Variants in LATS2 observed in about 807,000 individuals in gnomAD.
The protein encoded by LATS2 is large tumor suppressor kinase 2.
In LATS2, 24 loss-of-function variants were observed where a neutral mutation model predicts 76.0. That is an observed-to-expected ratio of 0.32 (90% CI 0.23 to 0.44). The LOEUF is 0.44. LATS2 is among the 20% of genes least tolerant of loss of function. The probability of loss-of-function intolerance (pLI) is 1.00; values close to 1 mark genes in which losing one functional copy is unlikely to be tolerated. For synonymous variants in LATS2, 692 were observed against 635.4 expected (o/e 1.09, Z -1.34); for missense variants, 1,286 against 1,481.2 (o/e 0.87, Z 2.16).
rs758078480 is a variant in LATS2 at position 21,045,675 on chromosome 13, C to T, written c.342+10G>A. On this transcript the variant is annotated intron_variant, in intron 2 of 7. Coordinates refer to ENST00000382592, the MANE Select transcript of LATS2 (RefSeq NM_014572.3). ...CCTCTGCACATGGCCCTGCAGAGGT[C>T]TGTACCCACCTGGTCGCATCCTGCG... 6.2e-7 allele frequency: 1 copy of T among 1,607,940 alleles called. No homozygotes were observed. The highest frequency in any genetic ancestry group is 1.1e-5 in the South Asian group (1 of 90,012).
rs766718464 is a variant in LATS2, at chr13:21,046,038, T to C, written c.-12A>G. The C allele has an allele frequency of 1.0e-5, 16 of 1,584,198 alleles. No homozygotes were observed. Among genetic ancestry groups the C allele is most frequent in the South Asian group, 5.6e-5 (5 of 89,948 alleles). The stretch of plus-strand genomic sequence containing the variant: ...GTCTTTGGCCTCATTGTTAGTCCAG[T>C]TTCCTTTTACCATAAATACAATCTT... On this transcript the variant is annotated 5_prime_UTR_variant, in exon 2 of 8. Coordinates refer to ENST00000382592, the MANE Select transcript of LATS2 (RefSeq NM_014572.3).
In LATS2 at chr13:20,973,514, C is replaced by CTGTGTG. The variant is rs58156767; in HGVS notation, c.*1350_*1355dup. ...GAAATAAGGAATATTGTGTTTATCT[C>CTGTGTG]TGTGTGTGTGTGTGTGTGTGTATAC... On this transcript the variant is annotated 3_prime_UTR_variant, in exon 8 of 8. Transcript: ENST00000382592. The CTGTGTG allele has an allele frequency of 9.4e-3, 2,119 of 224,272 alleles. 36 individuals carry two copies. Among genetic ancestry groups the CTGTGTG allele is most frequent in the East Asian group, 0.08 (1,251 of 15,732 alleles). The allele number at this position is 224,272 out of a possible 1,614,324, so 13.9% of individuals were successfully genotyped here. A position where few individuals can be genotyped will look rare whatever the true frequency, so the allele number is the denominator to read the frequency against.
rs1565962583 is a variant in LATS2 at position 21,038,856 on chromosome 13, G to A, written c.342+6829C>T. On this transcript the variant is annotated intron_variant, in intron 2 of 7. Transcript: ENST00000382592. ...TAGCCGGGCGTGGTGGTGCATGCCT[G>A]TAATCCCAGCTCCTCGGGAGGCTGA... 2.6e-5 allele frequency among the ~76,000 whole-genome samples: 4 copies of A among 152,190 alleles called. 1 individual carries two copies. The South Asian group carries it at 8.3e-4, about 31-fold the overall frequency.
At chr13:21,052,711 CT>C (rs1873315104) in intron 1 of LATS2, among the ~76,000 whole-genome samples, 1 of 152,200 alleles carries the variant, frequency 6.6e-6, no homozygotes, top group African/African-American at 2.4e-5. Context: ...AAGTAGCTTT[CT>C]TTTAACTGTA....
chr13:21,009,034 G>C (rs373064421), intron 2 of LATS2, among the ~76,000 whole-genome samples: 1 of 152,288 alleles, frequency 6.6e-6, no homozygotes, highest in Admixed American at 6.5e-5. Context: ...CAGGTTGTTC[G>C]TCCCACTGCC....
chr13:20,976,478 T>C (rs1441031121), intron 7 of LATS2, among the ~76,000 whole-genome samples: 7 of 152,068 alleles, frequency 4.6e-5, no homozygotes, highest in African/African-American at 1.7e-4. Flanking sequence ...CTTTTGTGCA[T>C]CGAAGGACAT....
intron 1 of LATS2, among the ~76,000 whole-genome samples, chr13:21,048,728 T>C (rs1873156386): frequency 6.6e-6 from 1 of 151,764 alleles, no homozygotes; most frequent in African/African-American, 2.4e-5. Flanking sequence ...TCCCAGCTAC[T>C]TGGGAGGCTG....
chr13:20,989,336 G>A (rs1565945939), intron 3 of LATS2, 32 bp from the exon 4 acceptor site: 1 of 1,611,078 alleles, frequency 6.2e-7, no homozygotes. Context: ...GACAGCATCA[G>A]AGTGGGTGTG....
rs867408556 is a variant in LATS2 at position 21,007,740 on chromosome 13, A to G, written c.343-16336T>C. 7.8e-3 allele frequency among the ~76,000 whole-genome samples: 30 copies of G among 3,828 alleles called. 3 individuals carry two copies. Among genetic ancestry groups the G allele is most frequent in the Admixed American group, 0.026 (6 of 228 alleles). 2.5% of individuals were successfully genotyped at this position (3,828 alleles called of 152,430 possible). On this transcript the variant is annotated intron_variant, in intron 2 of 7. Transcript: ENST00000382592. The stretch of plus-strand genomic sequence containing the variant: ...TATATATAGTATATATATATAGTAT[A>G]TATATATATATATATATATATTTTT...
chr13:21,054,673 G>A (rs1565967832), intron 1 of LATS2, among the ~76,000 whole-genome samples: 2 of 152,324 alleles, frequency 1.3e-5, no homozygotes, highest in East Asian at 3.9e-4. Context: ...GTCGAGACTG[G>A]ACATTTCTAT....
chr13:21,028,175 C>T (rs1214567588), intron 2 of LATS2, among the ~76,000 whole-genome samples: 1 of 151,920 alleles, frequency 6.6e-6, no homozygotes, highest in East Asian at 1.9e-4. Flanking sequence ...TGAGAACATG[C>T]GGTGTTTGGT....
At chr13:20,989,407 GGTCT>G (rs1870411425) in intron 3 of LATS2, 103 bp from the exon 4 acceptor site, 1 of 1,237,770 alleles carries the variant, frequency 8.1e-7, no homozygotes, top group Admixed American at 2.0e-5. Flanking sequence ...CGGGGCTGAG[GGTCT>G]TGAACCCTGG....
intron 2 of LATS2, among the ~76,000 whole-genome samples, chr13:21,019,408 CCT>C (rs1459746825): frequency 1.3e-5 from 2 of 149,762 alleles, no homozygotes; most frequent in African/African-American, 4.9e-5. Context: ...CTCACTGCAA[CCT>C]CTGCCTCCCG....
rs9552315 is a variant in LATS2 at position 20,973,845 on chromosome 13, C to T, written c.*1025G>A. 0.12 allele frequency: 26,790 copies of T among 229,608 alleles called. 3,299 individuals carry two copies. Among genetic ancestry groups the T allele is most frequent in the East Asian group, 0.47 (7,377 of 15,856 alleles). 14.2% of individuals were successfully genotyped at this position (229,608 alleles called of 1,614,324 possible). A position where few individuals can be genotyped will look rare whatever the true frequency, so the allele number is the denominator to read the frequency against. ...AGAGGTATGGCATTCCACATACCAG[C>T]TCTACCAAGAATGAAAGAGCATACG... On this transcript the variant is annotated 3_prime_UTR_variant, in exon 8 of 8. Transcript: ENST00000382592.
chr13:21,029,889 G>A (rs972959306), intron 2 of LATS2, among the ~76,000 whole-genome samples: 3 of 151,968 alleles, frequency 2.0e-5, no homozygotes, highest in African/African-American at 7.3e-5. Context: ...GAGGTCAGGA[G>A]ATGGCAGGCA....
intron 5 of LATS2, among the ~76,000 whole-genome samples, chr13:20,982,784 G>A (rs555283356): frequency 1.3e-4 from 20 of 150,150 alleles, no homozygotes; most frequent in African/African-American, 4.6e-4. Context: ...CTGAGGTTGG[G>A]AGTTTGAGAC....
At chr13:21,030,373 A>C (rs1411725436) in intron 2 of LATS2, among the ~76,000 whole-genome samples, 2 of 152,052 alleles carry the variant, frequency 1.3e-5, no homozygotes, top group African/African-American at 4.8e-5. Flanking sequence ...GTGGATCACG[A>C]GGTCAGGAGA....
At chr13:21,040,376 C>CAAAAAAAAAAAAAAAA (rs141897751) in intron 2 of LATS2, among the ~76,000 whole-genome samples, 2 of 108,752 alleles carry the variant, frequency 1.8e-5, no homozygotes, top group African/African-American at 7.2e-5. Context: ...GACCTTGTCT[C>CAAAAAAAAAAAAAAAA]AAAAAAAAAA....
At chr13:20,992,159 A>C (rs913902354) in intron 2 of LATS2, among the ~76,000 whole-genome samples, 4 of 152,086 alleles carry the variant, frequency 2.6e-5, no homozygotes, top group African/African-American at 9.7e-5. Flanking sequence ...GCAGGTGGAG[A>C]GCCCTGGGAG....
Sources: gnomAD v4.1 joint callset for allele counts (sites outside exome capture counted in the v4.1 genomes callset) on GRCh38, gnomAD v4.1.1 for gene constraint, MANE v1.5 for transcripts, NCBI Gene and HGNC (gene_info 2026-07-23, HGNC 2026-07-21) for gene names.